Variants in CTNNA2 observed in about 807,000 individuals in gnomAD.
CTNNA2 encodes catenin alpha-2.
A neutral mutation model predicts 101.0 loss-of-function variants in CTNNA2; 42 were observed. The ratio of observed to expected loss-of-function variants is 0.42; its 90% CI spans 0.32 to 0.54. The LOEUF (loss-of-function observed/expected upper bound fraction) is 0.54. CTNNA2 is among the 20% of genes least tolerant of loss of function. The pLI is 0.14. For synonymous variants in CTNNA2, 450 were observed against 456.4 expected, an observed-to-expected ratio of 0.99 and a Z score of 0.18; for missense variants, 871 against 1,223.1, an observed-to-expected ratio of 0.71 and a Z score of 4.29.
At chr2:80,348,713 A>G (rs1673010426) in intron 7 of CTNNA2, among the ~76,000 whole-genome samples, 1 of 151,816 alleles carries the variant, frequency 6.6e-6, no homozygotes, top group South Asian at 2.1e-4. Flanking sequence ...CATTCCACCA[A>G]CCATCACTGA....
intron 7 of CTNNA2, among the ~76,000 whole-genome samples, chr2:80,232,102 G>C (rs1392392615): frequency 2.6e-5 from 4 of 152,110 alleles, no homozygotes; most frequent in African/African-American, 9.7e-5. Flanking sequence ...CCTGTGAACT[G>C]TAAGCCCTCA....
chr2:79,470,999 T>C (rs1670992884), intron 4 of CTNNA2, among the ~76,000 whole-genome samples: 1 of 152,200 alleles, frequency 6.6e-6, no homozygotes, highest in Non-Finnish European at 1.5e-5. Context: ...TAAAGAAAGG[T>C]CAAATGATAT....
At chr2:80,190,967 A>G (rs1425569615) in intron 7 of CTNNA2, among the ~76,000 whole-genome samples, 2 of 152,168 alleles carry the variant, frequency 1.3e-5, no homozygotes, top group Non-Finnish European at 2.9e-5. Flanking sequence ...CTGAAGTGCA[A>G]CTTGTTCCAC....
intron 7 of CTNNA2, among the ~76,000 whole-genome samples, chr2:80,376,527 G>A (rs1394376284): frequency 6.6e-6 from 1 of 151,792 alleles, no homozygotes; most frequent in Non-Finnish European, 1.5e-5. Context: ...TTTTATTAGT[G>A]TTTTAGCAGG....
At chr2:80,504,161 G>C (rs1208281522) in intron 9 of CTNNA2, among the ~76,000 whole-genome samples, 3 of 152,154 alleles carry the variant, frequency 2.0e-5, no homozygotes, top group African/African-American at 7.2e-5. Flanking sequence ...GAGAAGTTCA[G>C]TGTTTTCTTC....
chr2:79,694,807 A>G (rs1458044236), intron 2 of CTNNA2, among the ~76,000 whole-genome samples: 2 of 151,946 alleles, frequency 1.3e-5, no homozygotes, highest in African/African-American at 4.8e-5. Flanking sequence ...GCTTCCTTAA[A>G]TCTTCTTTTG....
At chr2:79,831,551 A>T (rs1678929383) in intron 3 of CTNNA2, among the ~76,000 whole-genome samples, 2 of 152,118 alleles carry the variant, frequency 1.3e-5, no homozygotes, top group South Asian at 4.1e-4. Context: ...ATTTTGCCTT[A>T]ATACAATTTA....
intron 3 of CTNNA2, among the ~76,000 whole-genome samples, chr2:79,792,920 A>G (rs557601930): frequency 2.6e-5 from 4 of 152,208 alleles, no homozygotes; most frequent in African/African-American, 9.6e-5. Flanking sequence ...TTTATAAGTC[A>G]TTTATTACAT....
chr2:79,947,407 T>C (rs1002754292), intron 7 of CTNNA2, among the ~76,000 whole-genome samples: 1 of 152,182 alleles, frequency 6.6e-6, no homozygotes, highest in Non-Finnish European at 1.5e-5. Flanking sequence ...GCTTATTTGT[T>C]TTCTAAGTTT....
intron 2 of CTNNA2, among the ~76,000 whole-genome samples, chr2:79,294,238 A>AGAAGAG (rs1675913159): frequency 6.7e-6 from 1 of 149,760 alleles, no homozygotes; most frequent in African/African-American, 2.5e-5. Flanking sequence ...AAGAAGAAGA[A>AGAAGAG]GAGGAGGAGG....
At chr2:80,346,098 A>G (rs972841291) in intron 7 of CTNNA2, among the ~76,000 whole-genome samples, 7 of 152,074 alleles carry the variant, frequency 4.6e-5, no homozygotes, top group African/African-American at 1.4e-4. Flanking sequence ...AGATCTGTTT[A>G]TTTATTTTGT....
intron 18 of CTNNA2, among the ~76,000 whole-genome samples, chr2:80,642,466 T>C (rs1558672487): frequency 6.6e-6 from 1 of 152,178 alleles, no homozygotes; most frequent in African/African-American, 2.4e-5. Flanking sequence ...TTAAGCACAG[T>C]AGTTGGCAGA....
chr2:79,479,161 A>G (rs956178121), intron 4 of CTNNA2, among the ~76,000 whole-genome samples: 7 of 152,186 alleles, frequency 4.6e-5, no homozygotes, highest in Non-Finnish European at 1.0e-4. Flanking sequence ...AACTCAATGC[A>G]TTTAAAATTA....
At chr2:80,115,353 AT>A (rs1701452036) in intron 7 of CTNNA2, among the ~76,000 whole-genome samples, 1 of 152,188 alleles carries the variant, frequency 6.6e-6, no homozygotes, top group Non-Finnish European at 1.5e-5. Flanking sequence ...ACTTATGATA[AT>A]TGGTTGAGAG....
rs1212046398 is a variant in CTNNA2, at chr2:80,581,897, C to T, written c.2007+78C>T. On this transcript the variant is annotated intron_variant, in intron 14 of 18. Coordinates refer to ENST00000402739, the MANE Select transcript of CTNNA2 (RefSeq NM_001282597.3). Reference sequence around the variant, plus strand: ...AATGGTTTGAGGGTATTTCTAAACTCCAGACACGTGGTACCCCAGAGATTC... The same window carrying T: ...AATGGTTTGAGGGTATTTCTAAACTTCAGACACGTGGTACCCCAGAGATTC... The T allele has an allele frequency of 6.0e-6, 5 of 838,806 alleles. No individual in the cohort carries two copies. The Admixed American group carries it at 7.5e-5, about 13-fold the overall frequency. 52.0% of individuals were successfully genotyped at this position (838,806 alleles called of 1,614,324 possible).
chr2:80,188,780 G>A (rs773820478), intron 7 of CTNNA2, among the ~76,000 whole-genome samples: 14 of 152,028 alleles, frequency 9.2e-5, no homozygotes, highest in South Asian at 2.1e-4. Flanking sequence ...TAACCTCCCC[G>A]TCTCAAGATC....
At chr2:80,089,455 G>A (rs1414656025) in intron 7 of CTNNA2, among the ~76,000 whole-genome samples, 1 of 151,710 alleles carries the variant, frequency 6.6e-6, no homozygotes, top group South Asian at 2.1e-4. Flanking sequence ...CATTTTGGGG[G>A]TTCTCTGGCC....
intron 3 of CTNNA2, among the ~76,000 whole-genome samples, chr2:79,808,822 G>A (rs1389217607): frequency 6.6e-6 from 1 of 151,724 alleles, no homozygotes; most frequent in Non-Finnish European, 1.5e-5. Flanking sequence ...TAAGTTCTGG[G>A]ATACATGTGC....
chr2:80,516,096 C>A (rs938040341), intron 9 of CTNNA2, among the ~76,000 whole-genome samples: 1 of 152,158 alleles, frequency 6.6e-6, no homozygotes, highest in East Asian at 1.9e-4. Context: ...GAACATATCT[C>A]CCTGAGGCAG....
Sources: gnomAD v4.1 joint callset for allele counts (sites outside exome capture counted in the v4.1 genomes callset) on GRCh38, gnomAD v4.1.1 for gene constraint, MANE v1.5 for transcripts, NCBI Gene and HGNC (gene_info 2026-07-23, HGNC 2026-07-21) for gene names.